TXNDC15: variants seen among roughly 807,000 people sequenced by gnomAD.
The protein encoded by TXNDC15 is thioredoxin domain containing 15, also known as thioredoxin domain-containing protein 15.
A neutral mutation model predicts 35.0 loss-of-function variants in TXNDC15; 24 were observed. The observed-to-expected ratio is 0.68, with a 90% CI of 0.50 to 0.96. The LOEUF is 0.96. Among genes scored for constraint, TXNDC15 ranks in the 40% least tolerant of loss-of-function variants. The pLI, the probability that TXNDC15 is intolerant of heterozygous loss-of-function variation, is 0.00. For synonymous variants in TXNDC15, 169 were observed against 174.0 expected (o/e 0.97, Z 0.23); for missense variants, 385 against 453.3 (o/e 0.85, Z 1.37).
At chr5:134,879,672 A>G (rs1750102867) in intron 1 of TXNDC15, among the ~76,000 whole-genome samples, 1 of 152,126 alleles carries the variant, frequency 6.6e-6, no homozygotes. Context: ...CCAGGCACCC[A>G]GCCGCTTCTC....
In TXNDC15 at chr5:134,888,294, A is replaced by G. The variant is rs547142287; in HGVS notation, c.591+112A>G. ...TGATCTTGATCATATTGTAAGCGAG[A>G]TAGCATTTAATGGCTGCTTCAGTGA... On this transcript the variant is annotated intron_variant, in intron 2 of 4. Transcript: ENST00000358387. 52 of 1,085,514 alleles carry G rather than the reference A, an allele frequency of 4.8e-5. No homozygotes were observed. The South Asian group carries it at 8.0e-4, about 17-fold the overall frequency. 67.2% of individuals were successfully genotyped at this position (1,085,514 alleles called of 1,614,324 possible).
intron 3 of TXNDC15, 67 bp downstream of exon 3, chr5:134,893,722 A>T (rs1390482538): frequency 3.1e-6 from 5 of 1,598,068 alleles, no homozygotes; most frequent in Non-Finnish European, 4.3e-6. Flanking sequence ...TGGAGGTCCT[A>T]ATTAGTTAAG....
chr5:134,874,873 A>G (rs943874647), intron 1 of TXNDC15, among the ~76,000 whole-genome samples: 2 of 152,266 alleles, frequency 1.3e-5, no homozygotes, highest in African/African-American at 2.4e-5. Context: ...TATATCAAAT[A>G]CCGACATTGT....
At chr5:134,874,659 C>T (rs899795609) in intron 1 of TXNDC15, 129 bp downstream of exon 1, 1 of 722,378 alleles carries the variant, frequency 1.4e-6, no homozygotes, top group Admixed American at 3.8e-5. Context: ...CCGGGCGCGT[C>T]TCCCCGACTT....
At chr5:134,881,865 G>A (rs2150184913) in intron 1 of TXNDC15, among the ~76,000 whole-genome samples, 1 of 151,150 alleles carries the variant, frequency 6.6e-6, no homozygotes, top group Admixed American at 6.6e-5. Flanking sequence ...CAGGCAGAGG[G>A]GCTCCTCACT....
upstream of TXNDC15, chr5:134,874,363 C>G (rs551902925): frequency 2.2e-5 from 31 of 1,417,498 alleles, no homozygotes; most frequent in Middle Eastern, 2.3e-4. Context: ...TCTCCTCCCC[C>G]AGCCTTCCTC....
intron 4 of TXNDC15, among the ~76,000 whole-genome samples, chr5:134,897,001 G>A (rs1156576009): frequency 6.6e-6 from 1 of 151,928 alleles, no homozygotes; most frequent in Non-Finnish European, 1.5e-5. Flanking sequence ...GAGTGCAGTG[G>A]CATGATCTCA....
chr5:134,896,541 G>A, intron 4 of TXNDC15, 117 bp downstream of exon 4: 1 of 1,275,576 alleles, frequency 7.8e-7, no homozygotes, highest in Non-Finnish European at 1.1e-6. Flanking sequence ...ACTTTGAGTT[G>A]TAAAACTTCT....
At chr5:134,874,366 C>A (rs1213933554), upstream of TXNDC15, 24 of 1,436,636 alleles carry the variant, frequency 1.7e-5, no homozygotes, top group Non-Finnish European at 2.2e-5. Context: ...CCTCCCCCAG[C>A]CTTCCTCCGG....
At chr5:134,893,462 T>C (rs761987847) in intron 2 of TXNDC15, 30 bp from the exon 3 acceptor site, 7 of 1,611,492 alleles carry the variant, frequency 4.3e-6, no homozygotes, top group Non-Finnish European at 5.1e-6. Flanking sequence ...CTTTTACTGC[T>C]AACTTTAATG....
At position 134,899,665 on chromosome 5, in the gene TXNDC15, G is replaced by T; in HGVS notation, c.1063G>T (p.Glu355Ter). ...TATTCGGTGGCTAATTCCAGGACAA[G>T]AGCAGGAACATGTGGAGTAGTGATG... Reference protein sequence around the residue: ...ESIRWLIPGQEQEHVE With the variant: ...ESIRWLIPGQ The change falls in exon 5 of 5, where the codon GAG (glutamate) becomes TAG (stop). Residue 355 changes from glutamate to a stop codon, truncating the protein, a stop_gained. Coordinates refer to ENST00000358387, the MANE Select transcript of TXNDC15 (RefSeq NM_024715.4). LOFTEE classifies it high-confidence loss of function. 6.2e-7 allele frequency: 1 copy of T among 1,610,132 alleles called. No homozygotes were observed. Among genetic ancestry groups the T allele is most frequent in the Non-Finnish European group, 8.5e-7 (1 of 1,178,408 alleles).
intron 2 of TXNDC15, 36 bp downstream of exon 2, chr5:134,888,218 A>G (rs1750317921): frequency 1.9e-6 from 3 of 1,540,856 alleles, no homozygotes; most frequent in Non-Finnish European, 2.6e-6. Context: ...TCTCCTTTTC[A>G]GTACATTTAT....
intron 3 of TXNDC15, 59 bp downstream of exon 3, chr5:134,893,714 G>A: frequency 6.2e-7 from 1 of 1,606,338 alleles, no homozygotes; most frequent in Non-Finnish European, 8.5e-7. Flanking sequence ...CAGTTATTTG[G>A]AGGTCCTAAT....
In TXNDC15 at chr5:134,874,376, G is replaced by C. The variant is rs567577832; in HGVS notation, c.-52G>C. On this transcript the variant is annotated 5_prime_UTR_variant, in exon 1 of 5. Coordinates refer to ENST00000358387, the MANE Select transcript of TXNDC15 (RefSeq NM_024715.4). The stretch of plus-strand genomic sequence containing the variant: ...GCTCTCCTCCCCCAGCCTTCCTCCG[G>C]CTGGCAGCACGACTCGCGTAGCCGT... 213 of 1,491,866 alleles carry C rather than the reference G, an allele frequency of 1.4e-4. 1 individual carries two copies. The African/African-American group carries it at 2.7e-3, about 19-fold the overall frequency. The allele number at this position is 1,491,866 out of a possible 1,614,324, so 92.4% of individuals were successfully genotyped here.
chr5:134,895,511 A>G (rs1368191426), intron 3 of TXNDC15, among the ~76,000 whole-genome samples: 1 of 152,128 alleles, frequency 6.6e-6, no homozygotes, highest in Non-Finnish European at 1.5e-5. Flanking sequence ...TTGTATCTTA[A>G]TTATGGAGAC....
At position 134,899,836 on chromosome 5, in the gene TXNDC15, A is replaced by C; in HGVS notation, c.*151A>C. The C allele has an allele frequency of 1.6e-6, 1 of 640,206 alleles. No homozygotes were observed. The highest frequency in any genetic ancestry group is 2.5e-6 in the Non-Finnish European group (1 of 399,076). The allele number at this position is 640,206 out of a possible 1,614,324, so 39.7% of individuals were successfully genotyped here. On this transcript the variant is annotated 3_prime_UTR_variant, in exon 5 of 5. Coordinates refer to ENST00000358387, the MANE Select transcript of TXNDC15 (RefSeq NM_024715.4). Reference sequence around the variant, plus strand: ...TTGTTGAACAACTGAATGTATAAAAAAATTATAAACTGGTGTTTTAACTAG... The same window carrying C: ...TTGTTGAACAACTGAATGTATAAAACAATTATAAACTGGTGTTTTAACTAG...
At chr5:134,896,909 C>T (rs1354276994) in intron 4 of TXNDC15, among the ~76,000 whole-genome samples, 1 of 151,748 alleles carries the variant, frequency 6.6e-6, no homozygotes, top group African/African-American at 2.4e-5. Context: ...TCCCAAAGTG[C>T]TGGGATTACA....
At chr5:134,896,525 A>T in intron 4 of TXNDC15, 101 bp downstream of exon 4, 1 of 1,461,092 alleles carries the variant, frequency 6.8e-7, no homozygotes, top group Non-Finnish European at 9.3e-7. Flanking sequence ...GAAGGATTCA[A>T]GACTGACTTT....
At chr5:134,895,643 C>T (rs1405197303) in intron 3 of TXNDC15, among the ~76,000 whole-genome samples, 2 of 152,044 alleles carry the variant, frequency 1.3e-5, no homozygotes, top group East Asian at 1.9e-4. Flanking sequence ...TTTACTAATG[C>T]GGAAAATTGA....
Sources: gnomAD v4.1 joint callset for allele counts (sites outside exome capture counted in the v4.1 genomes callset) on GRCh38, gnomAD v4.1.1 for gene constraint, MANE v1.5 for transcripts, NCBI Gene and HGNC (gene_info 2026-07-23, HGNC 2026-07-21) for gene names.